Variants in ARHGAP10 observed in about 807,000 individuals in gnomAD.
The protein encoded by ARHGAP10 is rho GTPase-activating protein 10.
ARHGAP10 carries 87 observed loss-of-function variants against 108.6 expected under a neutral mutation model. That is an observed-to-expected ratio of 0.80 (90% CI 0.67 to 0.96). The LOEUF (loss-of-function observed/expected upper bound fraction) is 0.96. Ranked by LOEUF, ARHGAP10 falls within the 40% of genes least tolerant of loss-of-function variation. ARHGAP10 has a pLI of 0.00. For missense variants in ARHGAP10, 939 were observed against 954.5 expected (o/e 0.98, Z 0.21); for synonymous variants, 347 against 341.1 (o/e 1.02, Z -0.19).
chr4:147,911,615 G>A (rs1305170788), intron 12 of ARHGAP10, among the ~76,000 whole-genome samples: 1 of 141,786 alleles, frequency 7.1e-6, no homozygotes, highest in Non-Finnish European at 1.5e-5. Context: ...GCCCACCTTG[G>A]CCTCCCAAAG....
At chr4:147,752,373 G>A (rs1372876138) in intron 1 of ARHGAP10, among the ~76,000 whole-genome samples, 1 of 152,186 alleles carries the variant, frequency 6.6e-6, no homozygotes, top group Non-Finnish European at 1.5e-5. Context: ...AGGAAAGGAA[G>A]TCATTTTCAT....
chr4:147,975,957 T>A (rs1274883230), intron 18 of ARHGAP10, among the ~76,000 whole-genome samples: 2 of 152,212 alleles, frequency 1.3e-5, no homozygotes, highest in Non-Finnish European at 2.9e-5. Flanking sequence ...GCATTGGTGC[T>A]CCTAGGTTCA....
At chr4:147,822,051 G>C (rs1164084245) in intron 1 of ARHGAP10, among the ~76,000 whole-genome samples, 1 of 152,214 alleles carries the variant, frequency 6.6e-6, no homozygotes, top group Non-Finnish European at 1.5e-5. Flanking sequence ...ACCTAGCACG[G>C]TGCAAGGCCT....
chr4:147,864,968 C>A lies in ARHGAP10; in HGVS notation c.597+12C>A. 1 of 1,603,102 alleles carries A rather than the reference C, an allele frequency of 6.2e-7. No homozygotes were observed. Among genetic ancestry groups the A allele is most frequent in the South Asian group, 1.1e-5 (1 of 90,324 alleles). ...AGTTTGTGGAACCTGTGAGTATTGC[C>A]AAGTTGTTTGCTGGTGGATTTTTGC... On this transcript the variant is annotated intron_variant, in intron 6 of 22. Coordinates refer to ENST00000336498, the MANE Select transcript of ARHGAP10 (RefSeq NM_024605.4).
intron 1 of ARHGAP10, among the ~76,000 whole-genome samples, chr4:147,733,001 C>T (rs1005263101): frequency 6.6e-6 from 1 of 152,192 alleles, no homozygotes; most frequent in Non-Finnish European, 1.5e-5. Context: ...CCAGGTCCTT[C>T]ACGTGCCAAA....
chr4:148,029,261 C>T (rs13111299), intron 19 of ARHGAP10, among the ~76,000 whole-genome samples: 8,806 of 152,238 alleles, frequency 0.058, 336 homozygotes, highest in South Asian at 0.19. Context: ...CATATATCCA[C>T]GTTCATCCAT....
chr4:147,916,039 T>G (rs1579197125), intron 13 of ARHGAP10, among the ~76,000 whole-genome samples: 1 of 152,102 alleles, frequency 6.6e-6, no homozygotes, highest in African/African-American at 2.4e-5. Flanking sequence ...ATCCCAGGGG[T>G]CGAGGCTACA....
chr4:147,883,221 A>T (rs1277190965), intron 10 of ARHGAP10, among the ~76,000 whole-genome samples: 1 of 152,222 alleles, frequency 6.6e-6, no homozygotes, highest in East Asian at 1.9e-4. Flanking sequence ...TAGGAAAAAT[A>T]TGAAAGAGAA....
intron 1 of ARHGAP10, among the ~76,000 whole-genome samples, chr4:147,809,828 C>G (rs561389105): frequency 2.6e-5 from 4 of 152,296 alleles, no homozygotes; most frequent in African/African-American, 9.6e-5. Context: ...ACAATAGGGT[C>G]ACGCTCCTCT....
intron 1 of ARHGAP10, among the ~76,000 whole-genome samples, chr4:147,785,266 T>A (rs1055058316): frequency 3.3e-5 from 5 of 151,982 alleles, no homozygotes; most frequent in African/African-American, 1.2e-4. Context: ...AGTTTTCAAG[T>A]GATGGCTTGT....
At chr4:147,942,703 C>T (rs1738204747) in intron 14 of ARHGAP10, among the ~76,000 whole-genome samples, 1 of 152,144 alleles carries the variant, frequency 6.6e-6, no homozygotes, top group Non-Finnish European at 1.5e-5. Context: ...AGAAAACTGT[C>T]TAAATAGAGA....
At position 147,825,448 on chromosome 4, in the gene ARHGAP10, A is replaced by G. The variant is rs112312087; in HGVS notation, c.312+2491A>G. 8.7e-5 allele frequency among the ~76,000 whole-genome samples: 13 copies of G among 149,508 alleles called. 1 individual carries two copies. Among genetic ancestry groups the G allele is most frequent in the African/African-American group, 3.2e-4 (13 of 41,026 alleles). The stretch of plus-strand genomic sequence containing the variant: ...GGCGACAGAGCGAGACTCCATCTCA[A>G]AAAAAAAAAAGTGACAGAGACATAT... On this transcript the variant is annotated intron_variant, in intron 3 of 22. Coordinates refer to ENST00000336498, the MANE Select transcript of ARHGAP10 (RefSeq NM_024605.4).
intron 19 of ARHGAP10, among the ~76,000 whole-genome samples, chr4:148,025,268 T>G (rs377385890): frequency 6.6e-6 from 1 of 152,196 alleles, no homozygotes. Context: ...TTCTTTAGTC[T>G]GGTTTTTATG....
intron 1 of ARHGAP10, among the ~76,000 whole-genome samples, chr4:147,757,464 C>T (rs978696879): frequency 6.6e-6 from 1 of 152,038 alleles, no homozygotes; most frequent in Non-Finnish European, 1.5e-5. Context: ...CCAAAGTGCT[C>T]GGATTACAGG....
chr4:147,849,943 C>CGCT (rs1733792027), intron 4 of ARHGAP10, among the ~76,000 whole-genome samples: 1 of 152,176 alleles, frequency 6.6e-6, no homozygotes, highest in Non-Finnish European at 1.5e-5. Context: ...GAGGTGAAGC[C>CGCT]AGCTGGGCTT....
At chr4:147,863,475 G>T (rs541226750) in intron 5 of ARHGAP10, 2 of 152,246 alleles carry the variant, frequency 1.3e-5, no homozygotes, top group Non-Finnish European at 2.9e-5. Flanking sequence ...ATATGGATTG[G>T]CTACATTTTA....
intron 1 of ARHGAP10, among the ~76,000 whole-genome samples, chr4:147,751,066 C>G (rs995461955): frequency 2.6e-5 from 4 of 151,646 alleles, no homozygotes; most frequent in Non-Finnish European, 5.9e-5. Flanking sequence ...ATAGTCCCAT[C>G]TACGTGGGAG....
At chr4:148,059,024 A>G (rs1367167855) in intron 20 of ARHGAP10, among the ~76,000 whole-genome samples, 2 of 152,158 alleles carry the variant, frequency 1.3e-5, no homozygotes, top group Non-Finnish European at 2.9e-5. Context: ...CAGTCTGTGC[A>G]TTTTCAGGAA....
chr4:147,849,977 A>G (rs77250666), intron 4 of ARHGAP10, among the ~76,000 whole-genome samples: 3,809 of 152,166 alleles, frequency 0.025, 148 homozygotes, highest in African/African-American at 0.083. Flanking sequence ...GGACTTGGAG[A>G]ACTTTTCTGT....
Sources: gnomAD v4.1 joint callset for allele counts (sites outside exome capture counted in the v4.1 genomes callset) on GRCh38, gnomAD v4.1.1 for gene constraint, MANE v1.5 for transcripts, NCBI Gene and HGNC (gene_info 2026-07-23, HGNC 2026-07-21) for gene names.